The following ATP8A2 variants were observed in gnomAD, a reference collection of about 807,000 sequenced individuals.
ATP8A2 encodes ATPase phospholipid transporting 8A2.
Under a neutral mutation model 165.6 loss-of-function variants are expected in ATP8A2, and 100 were observed. The observed-to-expected ratio is 0.60, with a 90% CI of 0.51 to 0.71. ATP8A2 has a LOEUF of 0.71. ATP8A2 is among the 30% of genes least tolerant of loss of function. The pLI is 0.00. For synonymous variants in ATP8A2, 543 were observed against 548.8 expected (o/e 0.99, Z 0.15); for missense variants, 1,227 against 1,479.5 (o/e 0.83, Z 2.80).
intron 1 of ATP8A2, among the ~76,000 whole-genome samples, chr13:25,464,987 T>G (rs2137496818): frequency 1.3e-5 from 2 of 152,334 alleles, no homozygotes; most frequent in East Asian, 1.9e-4. Flanking sequence ...GCTTTTCTCT[T>G]TGCTTACTCT....
intron 1 of ATP8A2, among the ~76,000 whole-genome samples, chr13:25,456,509 A>G (rs933369112): frequency 6.6e-6 from 1 of 152,152 alleles, no homozygotes; most frequent in Non-Finnish European, 1.5e-5. Context: ...TTGGGGCCCT[A>G]TGCATAGAGG....
chr13:25,869,696 C>G (rs532830736), intron 33 of ATP8A2, among the ~76,000 whole-genome samples: 1 of 152,080 alleles, frequency 6.6e-6, no homozygotes, highest in African/African-American at 2.4e-5. Context: ...TTCTCTTGTC[C>G]CCCTGGCAGG....
chr13:25,448,160 C>T (rs2035120272), intron 1 of ATP8A2, among the ~76,000 whole-genome samples: 1 of 152,174 alleles, frequency 6.6e-6, no homozygotes, highest in Admixed American at 6.5e-5. Flanking sequence ...CCTTTTCTAC[C>T]TAGTATTCCT....
chr13:26,020,955 C>G lies in ATP8A2; in HGVS notation c.*970C>G, dbSNP rs1433040944. On this transcript the variant is annotated 3_prime_UTR_variant, in exon 37 of 37. Transcript: ENST00000381655. ...CAGGACTCCCAGCCGTGGTCAGGCT[C>G]TGAATACTCCCTTCCCAACATCCAG... is the stretch of plus-strand genomic sequence containing the variant. The G allele has an allele frequency of 6.6e-6, 1 of 152,298 alleles. No homozygotes were observed. The highest frequency in any genetic ancestry group is 1.9e-4 in the East Asian group (1 of 5,202). 9.4% of individuals were successfully genotyped at this position (152,298 alleles called of 1,614,324 possible).
At chr13:25,800,655 A>G (rs1950603942) in intron 27 of ATP8A2, among the ~76,000 whole-genome samples, 1 of 152,152 alleles carries the variant, frequency 6.6e-6, no homozygotes, top group Admixed American at 6.5e-5. Context: ...TTTCACAAGA[A>G]GTACATATGT....
At chr13:26,012,383 C>A in intron 35 of ATP8A2, 148 bp from the exon 36 acceptor site, 1 of 653,858 alleles carries the variant, frequency 1.5e-6, no homozygotes, top group Non-Finnish European at 2.7e-6. Flanking sequence ...ATGGCATCTG[C>A]TGGAAATCAC....
chr13:25,433,908 C>T (rs927338879), intron 1 of ATP8A2, among the ~76,000 whole-genome samples: 18 of 152,052 alleles, frequency 1.2e-4, no homozygotes, highest in Non-Finnish European at 2.2e-4. Flanking sequence ...CACTGACAAG[C>T]GGGAGCTGAA....
At chr13:26,013,733 T>C (rs1342543167) in intron 36 of ATP8A2, among the ~76,000 whole-genome samples, 1 of 152,064 alleles carries the variant, frequency 6.6e-6, no homozygotes, top group Non-Finnish European at 1.5e-5. Context: ...AGAATCATTG[T>C]TCACACAGTA....
chr13:25,470,868 C>T (rs2035823642), intron 2 of ATP8A2, among the ~76,000 whole-genome samples: 2 of 152,060 alleles, frequency 1.3e-5, no homozygotes, highest in Non-Finnish European at 2.9e-5. Flanking sequence ...CACAAAAGGC[C>T]TCATAGTACA....
At chr13:25,627,103 C>T (rs117897679) in intron 24 of ATP8A2, among the ~76,000 whole-genome samples, 2,080 of 152,140 alleles carry the variant, frequency 0.014, 20 homozygotes, top group Middle Eastern at 0.027. Context: ...AAACAGAGTC[C>T]TCAGTGAGGA....
At chr13:25,950,692 T>A (rs1955332015) in intron 33 of ATP8A2, 1 of 152,256 alleles carries the variant, frequency 6.6e-6, no homozygotes, top group Non-Finnish European at 1.5e-5. Context: ...TATTTATTTA[T>A]TTTTTATTTT....
chr13:25,957,596 A>G (rs1464323068), intron 33 of ATP8A2, among the ~76,000 whole-genome samples: 1 of 152,256 alleles, frequency 6.6e-6, no homozygotes, highest in African/African-American at 2.4e-5. Context: ...AATTGTGATT[A>G]TTAAAAAGTC....
At chr13:25,608,812 TG>T (rs2040582741) in intron 24 of ATP8A2, among the ~76,000 whole-genome samples, 1 of 152,218 alleles carries the variant, frequency 6.6e-6, no homozygotes, top group Non-Finnish European at 1.5e-5. Context: ...AACAGAATTT[TG>T]GAGAACTGAT....
chr13:25,837,628 C>A (rs187178258), intron 29 of ATP8A2, among the ~76,000 whole-genome samples: 15 of 152,274 alleles, frequency 9.9e-5, no homozygotes, highest in African/African-American at 3.1e-4. Flanking sequence ...GGTTCAGGAT[C>A]CGCTGTCAGA....
chr13:25,619,271 C>A (rs2040908846), intron 24 of ATP8A2, among the ~76,000 whole-genome samples: 1 of 152,136 alleles, frequency 6.6e-6, no homozygotes, highest in Non-Finnish European at 1.5e-5. Context: ...GCCAGGTTTC[C>A]TGAGGATTTG....
intron 33 of ATP8A2, among the ~76,000 whole-genome samples, chr13:25,922,120 G>T (rs1954477378): frequency 6.6e-6 from 1 of 152,178 alleles, no homozygotes; most frequent in African/African-American, 2.4e-5. Flanking sequence ...ACGTGGAATT[G>T]TACCACATCA....
chr13:25,628,561 C>G (rs1479383360), intron 24 of ATP8A2, among the ~76,000 whole-genome samples: 1 of 152,166 alleles, frequency 6.6e-6, no homozygotes, highest in Non-Finnish European at 1.5e-5. Context: ...CAAAATACCA[C>G]AAACTGGGTG....
chr13:25,658,879 G>A (rs1033773978), intron 24 of ATP8A2, among the ~76,000 whole-genome samples: 7 of 152,158 alleles, frequency 4.6e-5, no homozygotes, highest in Admixed American at 6.5e-5. Flanking sequence ...ATTACAAAGA[G>A]TCAATAAACT....
chr13:25,388,031 C>G (rs1038471040), intron 1 of ATP8A2, among the ~76,000 whole-genome samples: 1 of 150,984 alleles, frequency 6.6e-6, no homozygotes, highest in Non-Finnish European at 1.5e-5. Flanking sequence ...CCACTGCACT[C>G]CAGCCTGGGC....
Sources: allele counts gnomAD v4.1 joint callset (sites outside exome capture counted in the v4.1 genomes callset), GRCh38; gene constraint gnomAD v4.1.1; transcripts MANE v1.5; gene names NCBI Gene and HGNC (gene_info 2026-07-23, HGNC 2026-07-21).